GRM3: variants seen among roughly 807,000 people sequenced by gnomAD.
GRM3 encodes metabotropic glutamate receptor 3.
Under a neutral mutation model 70.5 loss-of-function variants are expected in GRM3, and 26 were observed. That is an observed-to-expected ratio of 0.37 (90% confidence interval 0.27 to 0.51). The LOEUF (loss-of-function observed/expected upper bound fraction) is 0.51, where lower values mean the gene tolerates loss of function less well. GRM3 is among the 20% of genes least tolerant of loss of function. The probability of loss-of-function intolerance (pLI) is 0.93; values close to 1 mark genes in which losing one functional copy is unlikely to be tolerated. For synonymous variants in GRM3, 443 were observed against 434.9 expected, an observed-to-expected ratio of 1.02 and a Z score of -0.23; for missense variants, 859 against 1,123.8, an observed-to-expected ratio of 0.76 and a Z score of 3.37.
chr7:86,747,944 G>A (rs58139847), intron 1 of GRM3, among the ~76,000 whole-genome samples: 3,272 of 152,100 alleles, frequency 0.022, 105 homozygotes, highest in African/African-American at 0.072. Context: ...TAACGTTTGC[G>A]CAGGGAACAG....
chr7:86,792,711 T>A (rs1797449435), intron 3 of GRM3, among the ~76,000 whole-genome samples: 1 of 152,214 alleles, frequency 6.6e-6, no homozygotes, highest in African/African-American at 2.4e-5. Flanking sequence ...CACAGACATT[T>A]AACCACCAAA....
At chr7:86,750,554 AAAG>A (rs1310328656) in intron 1 of GRM3, among the ~76,000 whole-genome samples, 3 of 152,082 alleles carry the variant, frequency 2.0e-5, no homozygotes, top group African/African-American at 7.2e-5. Context: ...GTAAAAGAGA[AAAG>A]AAGTGAATGG....
In GRM3 at chr7:86,748,855, T is replaced by C. The variant is rs75567930; in HGVS notation, c.-140-16151T>C. Among the ~76,000 whole-genome samples, 1,119 of 152,190 alleles carry C rather than the reference T, an allele frequency of 7.4e-3. 10 individuals carry two copies. The highest frequency in any genetic ancestry group is 0.026 in the African/African-American group (1,063 of 41,542). ...CCTTTTGGCTTACCCATGTCGAAGA[T>C]AGTGTCATTGTTCTTGACATTCCAT... is the stretch of plus-strand genomic sequence containing the variant. On this transcript the variant is annotated intron_variant, in intron 1 of 5. Transcript: ENST00000361669.
intron 1 of GRM3, among the ~76,000 whole-genome samples, chr7:86,679,611 T>C (rs1159127744): frequency 6.6e-6 from 1 of 152,004 alleles, no homozygotes; most frequent in African/African-American, 2.4e-5. Flanking sequence ...TACATCAGAC[T>C]AGGAAGAAAA....
At chr7:86,698,562 A>G (rs963255274) in intron 1 of GRM3, among the ~76,000 whole-genome samples, 2 of 142,840 alleles carry the variant, frequency 1.4e-5, no homozygotes. Flanking sequence ...TATTATATAT[A>G]TAATTATATA....
At chr7:86,833,125 A>G in intron 3 of GRM3, 1 of 980,990 alleles carries the variant, frequency 1.0e-6, no homozygotes, top group Non-Finnish European at 1.2e-6. Flanking sequence ...CTTGAGAAAC[A>G]GCAAATTCCC....
intron 5 of GRM3, among the ~76,000 whole-genome samples, chr7:86,854,931 C>T (rs1798819033): frequency 6.6e-6 from 1 of 152,154 alleles, no homozygotes; most frequent in Non-Finnish European, 1.5e-5. Context: ...CCCAGGCTCC[C>T]TCTGGAACTT....
chr7:86,743,172 A>G (rs908880840), intron 1 of GRM3, among the ~76,000 whole-genome samples: 10 of 152,168 alleles, frequency 6.6e-5, no homozygotes, highest in African/African-American at 2.4e-4. Context: ...TGAAAATACA[A>G]ATAATATAGT....
intron 2 of GRM3, among the ~76,000 whole-genome samples, chr7:86,781,628 A>T (rs116865381): frequency 6.6e-6 from 1 of 152,134 alleles, no homozygotes; most frequent in Non-Finnish European, 1.5e-5. Flanking sequence ...AATTTTGAAA[A>T]GTCACTTCAC....
intron 1 of GRM3, among the ~76,000 whole-genome samples, chr7:86,702,844 C>G (rs1161057872): frequency 1.3e-5 from 2 of 151,872 alleles, no homozygotes; most frequent in East Asian, 3.9e-4. Flanking sequence ...CAAAAGTGAG[C>G]CTGTGTGTCA....
At chr7:86,754,655 C>T (rs1229287416) in intron 1 of GRM3, among the ~76,000 whole-genome samples, 1 of 151,930 alleles carries the variant, frequency 6.6e-6, no homozygotes, top group Non-Finnish European at 1.5e-5. Flanking sequence ...TAGTAGGTGC[C>T]CAATAAATTT....
chr7:86,815,282 A>G (rs1797993650), intron 3 of GRM3, among the ~76,000 whole-genome samples: 3 of 151,770 alleles, frequency 2.0e-5, no homozygotes, highest in Admixed American at 2.0e-4. Context: ...GGACAAAACC[A>G]ATGAAAGGGC....
chr7:86,720,681 C>G (rs114951516), intron 1 of GRM3, among the ~76,000 whole-genome samples: 1 of 152,048 alleles, frequency 6.6e-6, no homozygotes, highest in Non-Finnish European at 1.5e-5. Flanking sequence ...CCCCACAGAG[C>G]AAAGCATCAA....
At chr7:86,721,670 T>C (rs1035500817) in intron 1 of GRM3, among the ~76,000 whole-genome samples, 4 of 152,100 alleles carry the variant, frequency 2.6e-5, no homozygotes, top group African/African-American at 7.2e-5. Context: ...CCAAAGGGGT[T>C]AAATGTTCAC....
intron 3 of GRM3, among the ~76,000 whole-genome samples, chr7:86,813,647 G>T (rs1797957951): frequency 1.3e-5 from 2 of 151,774 alleles, no homozygotes; most frequent in South Asian, 2.1e-4. Context: ...CTACACAGAT[G>T]TGTTGTTTAA....
intron 3 of GRM3, among the ~76,000 whole-genome samples, chr7:86,794,599 C>A (rs1354792510): frequency 6.6e-6 from 1 of 152,170 alleles, no homozygotes; most frequent in African/African-American, 2.4e-5. Flanking sequence ...AAACTAGTCA[C>A]CATTTTCACC....
intron 4 of GRM3, among the ~76,000 whole-genome samples, chr7:86,845,435 T>C (rs565489347): frequency 1.2e-4 from 18 of 152,266 alleles, no homozygotes; most frequent in Non-Finnish European, 2.1e-4. Context: ...CTCCTTAAAT[T>C]TGTATCTCAG....
At chr7:86,785,853 A>G (rs1161439788) in intron 2 of GRM3, among the ~76,000 whole-genome samples, 1 of 152,080 alleles carries the variant, frequency 6.6e-6, no homozygotes. Context: ...TGCTCTTTCT[A>G]TACAAGTGCA....
intron 3 of GRM3, among the ~76,000 whole-genome samples, chr7:86,788,475 C>A (rs1305072899): frequency 3.3e-5 from 5 of 152,238 alleles, no homozygotes; most frequent in Middle Eastern, 3.4e-3. Context: ...TGATGGATAC[C>A]ACTTCTTATC....
Sources: allele counts gnomAD v4.1 joint callset (sites outside exome capture counted in the v4.1 genomes callset), GRCh38; gene constraint gnomAD v4.1.1; transcripts MANE v1.5; gene names NCBI Gene and HGNC (gene_info 2026-07-23, HGNC 2026-07-21).